The following SPATA16 variants were observed in gnomAD, a reference collection of about 807,000 sequenced individuals.
SPATA16 encodes the protein spermatogenesis-associated protein 16.
Under a neutral mutation model 63.3 loss-of-function variants are expected in SPATA16, and 36 were observed. That is an observed-to-expected ratio of 0.57 (90% CI 0.44 to 0.75). The LOEUF is 0.75. SPATA16 is among the 30% of genes least tolerant of loss of function. The probability of loss-of-function intolerance (pLI) is 0.00; values close to 1 mark genes in which losing one functional copy is unlikely to be tolerated. For synonymous variants in SPATA16, 203 were observed against 216.7 expected (o/e 0.94, Z 0.56); for missense variants, 646 against 679.3 (o/e 0.95, Z 0.54).
intron 4 of SPATA16, among the ~76,000 whole-genome samples, chr3:173,010,226 G>A (rs1348607881): frequency 3.9e-5 from 6 of 152,186 alleles, no homozygotes; most frequent in South Asian, 2.1e-4. Flanking sequence ...CAGACCTACC[G>A]TGATTGCCAA....
chr3:173,117,762 GA>G lies in SPATA16; in HGVS notation c.-18-14del. ...CTGCCCAAAACTCCTGCAGGGGGGA[GA>G]AAAAGGAAAGTAATTAAGGCAATAT... On this transcript the variant is annotated splice_polypyrimidine_tract_variant and intron_variant, in intron 1 of 10. Coordinates refer to ENST00000351008, the MANE Select transcript of SPATA16 (RefSeq NM_031955.6). 1 of 1,613,794 alleles carries G rather than the reference GA, an allele frequency of 6.2e-7. No homozygotes were observed.
chr3:173,084,256 C>A (rs960691313), intron 2 of SPATA16, among the ~76,000 whole-genome samples: 1 of 152,104 alleles, frequency 6.6e-6, no homozygotes, highest in East Asian at 1.9e-4. Context: ...ATTTGCATTT[C>A]TCTAATGATC....
intron 2 of SPATA16, among the ~76,000 whole-genome samples, chr3:173,062,571 AGACT>A (rs1287807574): frequency 1.3e-5 from 2 of 152,190 alleles, no homozygotes; most frequent in Non-Finnish European, 2.9e-5. Context: ...TGATGAGATA[AGACT>A]GACTAACTTT....
At chr3:172,989,199 A>G (rs1734523924) in intron 4 of SPATA16, among the ~76,000 whole-genome samples, 1 of 152,038 alleles carries the variant, frequency 6.6e-6, no homozygotes, top group Admixed American at 6.6e-5. Flanking sequence ...CTCTCTCAAA[A>G]TATCCATCCA....
At chr3:172,933,353 C>T (rs1732912013) in intron 6 of SPATA16, among the ~76,000 whole-genome samples, 1 of 152,062 alleles carries the variant, frequency 6.6e-6, no homozygotes, top group African/African-American at 2.4e-5. Flanking sequence ...ACCCAATTGA[C>T]CAAGTCAATC....
chr3:173,087,998 TTTTCTTTCCGTCTTTCTTTCTTTCTTTC>T lies in SPATA16; in HGVS notation c.612+29094_612+29121del, dbSNP rs1737103585. Among the ~76,000 whole-genome samples the T allele has an allele frequency of 2.1e-5, 3 of 146,260 alleles. 1 individual carries two copies. The highest frequency in any genetic ancestry group is 7.8e-5 in the African/African-American group (3 of 38,276). On this transcript the variant is annotated intron_variant, in intron 2 of 10. Transcript: ENST00000351008. ...ACCTTGGAGAATCTGATGATTAGCATTTTCTTTCCGTCTTTCTTTCTTTCTTTCTTTCTTTCTTTCTTTCTTTCTTTCT... is the reference window on the plus strand; with the variant it reads ...ACCTTGGAGAATCTGATGATTAGCATTTTCTTTCTTTCTTTCTTTCTTTCT...
intron 2 of SPATA16, among the ~76,000 whole-genome samples, chr3:173,075,624 C>T (rs961148653): frequency 6.6e-6 from 1 of 152,084 alleles, no homozygotes; most frequent in Non-Finnish European, 1.5e-5. Flanking sequence ...CTTGCAGTAA[C>T]AGGGATGGAA....
chr3:172,995,231 C>G (rs1734669788), intron 4 of SPATA16, among the ~76,000 whole-genome samples: 1 of 151,920 alleles, frequency 6.6e-6, no homozygotes, highest in Non-Finnish European at 1.5e-5. Flanking sequence ...GGGGTAAAAT[C>G]TGAAGAGTAT....
intron 3 of SPATA16, among the ~76,000 whole-genome samples, chr3:173,028,036 TTCCTTC>T (rs1735505186): frequency 3.0e-5 from 3 of 99,090 alleles, no homozygotes; most frequent in African/African-American, 1.3e-4. Flanking sequence ...CCTTCCTTCC[TTCCTTC>T]CTTCCTTCCT....
chr3:172,894,542 A>G (rs1731968041), intron 10 of SPATA16, among the ~76,000 whole-genome samples: 1 of 151,818 alleles, frequency 6.6e-6, no homozygotes. Flanking sequence ...AATACCCATA[A>G]TGATAACACT....
chr3:173,088,008 G>GTCTT (rs57997275), intron 2 of SPATA16, among the ~76,000 whole-genome samples: 7,425 of 90,186 alleles, frequency 0.082, 482 homozygotes, highest in Non-Finnish European at 0.096. Context: ...TTTTCTTTCC[G>GTCTT]TCTTTCTTTC....
chr3:173,089,377 G>T (rs971990309), intron 2 of SPATA16, among the ~76,000 whole-genome samples: 1 of 152,176 alleles, frequency 6.6e-6, no homozygotes, highest in Admixed American at 6.5e-5. Flanking sequence ...CTATACAAAT[G>T]TTCTTATCTG....
chr3:173,053,433 G>T (rs1490984069), intron 2 of SPATA16, among the ~76,000 whole-genome samples: 2 of 152,008 alleles, frequency 1.3e-5, no homozygotes, highest in Non-Finnish European at 2.9e-5. Flanking sequence ...GGAATCATAA[G>T]CTCAAATTTT....
At chr3:173,035,429 A>T (rs777016134) in intron 3 of SPATA16, among the ~76,000 whole-genome samples, 33 of 152,112 alleles carry the variant, frequency 2.2e-4, no homozygotes, top group Non-Finnish European at 4.7e-4. Context: ...AGAGTGCCTC[A>T]GAAATGACTT....
intron 2 of SPATA16, among the ~76,000 whole-genome samples, chr3:173,062,172 A>G (rs1412188523): frequency 6.6e-6 from 1 of 151,186 alleles, no homozygotes; most frequent in African/African-American, 2.4e-5. Flanking sequence ...AAGCATGTAG[A>G]TGATACACAT....
At chr3:173,129,685 T>A (rs889198319) in intron 1 of SPATA16, among the ~76,000 whole-genome samples, 1 of 152,180 alleles carries the variant, frequency 6.6e-6, no homozygotes, top group Non-Finnish European at 1.5e-5. Context: ...CACATCTGTA[T>A]AATTTTTCTT....
At chr3:172,978,308 GT>G (rs1048262518) in intron 4 of SPATA16, among the ~76,000 whole-genome samples, 1 of 152,112 alleles carries the variant, frequency 6.6e-6, no homozygotes, top group African/African-American at 2.4e-5. Flanking sequence ...GAGGTAGGAG[GT>G]TTTGATGTTG....
intron 8 of SPATA16, among the ~76,000 whole-genome samples, chr3:172,922,712 G>A (rs887719448): frequency 6.6e-6 from 1 of 152,164 alleles, no homozygotes; most frequent in Non-Finnish European, 1.5e-5. Context: ...CTTGAGGCCA[G>A]GAGTTCAAGA....
intron 5 of SPATA16, among the ~76,000 whole-genome samples, chr3:172,961,758 T>C (rs1222314479): frequency 6.6e-6 from 1 of 152,206 alleles, no homozygotes; most frequent in African/African-American, 2.4e-5. Context: ...TCTCTAATGT[T>C]ATATTTCACT....
Sources: allele counts gnomAD v4.1 joint callset (sites outside exome capture counted in the v4.1 genomes callset), GRCh38; gene constraint gnomAD v4.1.1; transcripts MANE v1.5; gene names NCBI Gene and HGNC (gene_info 2026-07-23, HGNC 2026-07-21).